TMEM225B: variants seen among roughly 807,000 people sequenced by gnomAD.
TMEM225B encodes the protein transmembrane protein 225B.
Under a neutral mutation model 16.9 loss-of-function variants are expected in TMEM225B, and 10 were observed. The observed-to-expected ratio is 0.59, with a 90% confidence interval of 0.36 to 1.00. TMEM225B has a LOEUF of 1.00. TMEM225B is among the 50% of genes least tolerant of loss of function. The probability of loss-of-function intolerance (pLI) is 0.01; values close to 1 mark genes in which losing one functional copy is unlikely to be tolerated. For missense variants in TMEM225B, 217 were observed against 267.0 expected (o/e 0.81, Z 1.30); for synonymous variants, 92 against 109.8 (o/e 0.84, Z 1.01).
At chr7:99,603,167 G>C (rs1180032137) in intron 2 of TMEM225B, among the ~76,000 whole-genome samples, 2 of 152,210 alleles carry the variant, frequency 1.3e-5, no homozygotes, top group Non-Finnish European at 2.9e-5. Context: ...CTTCCTGTTT[G>C]TACATGACCT....
chr7:99,610,472 CG>C lies in TMEM225B; in HGVS notation c.576del (p.Ser193AlafsTer23). On this transcript the variant is annotated frameshift_variant, in exon 6 of 6. Coordinates refer to ENST00000431679, the MANE Select transcript of TMEM225B (RefSeq NM_001195541.3). LOFTEE classifies it high-confidence loss of function. Reference protein sequence around the residue: ...STSQSMEEDHGSLYLDNLESL... With the variant: ...STSQSMEEDHXSLYLDNLESL... The stretch of plus-strand genomic sequence containing the variant: ...CTTCCCAGAGTATGGAGGAGGACCA[CG>C]GGAGCCTGTACCTGGACAATCTGGA... 1.3e-6 allele frequency: 2 copies of C among 1,536,070 alleles called. No individual in the cohort carries two copies. The highest frequency in any genetic ancestry group is 8.7e-7 in the Non-Finnish European group (1 of 1,146,876).
chr7:99,601,042 A>T (rs150547369), intron 2 of TMEM225B, among the ~76,000 whole-genome samples: 3 of 152,322 alleles, frequency 2.0e-5, no homozygotes, highest in Non-Finnish European at 4.4e-5. Flanking sequence ...TTCTAGTCAC[A>T]TACAGGTGGA....
intron 2 of TMEM225B, among the ~76,000 whole-genome samples, chr7:99,603,850 C>T (rs1805565841): frequency 6.6e-6 from 1 of 151,776 alleles, no homozygotes; most frequent in Non-Finnish European, 1.5e-5. Context: ...CAGCCTTGAC[C>T]TTCCTGGGCT....
chr7:99,600,235 T>C lies in TMEM225B; in HGVS notation c.-54T>C. ...CCAAGAGCCTCTGAGTTCCTGCCTT[T>C]TTTCATCTCTGAATCCCCACCATTG... On this transcript the variant is annotated 5_prime_UTR_variant, in exon 2 of 6. Coordinates refer to ENST00000431679, the MANE Select transcript of TMEM225B (RefSeq NM_001195541.3). 1.4e-6 allele frequency: 1 copy of C among 702,974 alleles called. No individual in the cohort carries two copies. The highest frequency in any genetic ancestry group is 2.6e-6 in the Non-Finnish European group (1 of 384,982). 43.5% of individuals were successfully genotyped at this position (702,974 alleles called of 1,614,324 possible).
chr7:99,600,368 G>A, intron 2 of TMEM225B, 83 bp downstream of exon 2: 2 of 692,800 alleles, frequency 2.9e-6, no homozygotes, highest in Non-Finnish European at 5.3e-6. Flanking sequence ...CTTTTCAGGG[G>A]AGTGGGGTTT....
chr7:99,608,814 C>A (rs1029557192), intron 5 of TMEM225B, among the ~76,000 whole-genome samples: 2 of 143,250 alleles, frequency 1.4e-5, no homozygotes, highest in South Asian at 4.3e-4. Context: ...TGTATATAGA[C>A]ATACATATAT....
At position 99,598,372 on chromosome 7, in the gene TMEM225B, G is replaced by C. The variant is rs982983832; in HGVS notation, c.-94G>C. On this transcript the variant is annotated 5_prime_UTR_variant, in exon 1 of 6. Transcript: ENST00000431679. ...TCTGGGACGCGAAACCGCCTACGAC[G>C]GTGCCGCAGGTGGAGGGAAGGGTAG... 2.6e-5 allele frequency: 4 copies of C among 152,494 alleles called. No homozygotes were observed. The highest frequency in any genetic ancestry group is 6.5e-5 in the Admixed American group (1 of 15,288). The allele number at this position is 152,494 out of a possible 1,614,324, so 9.4% of individuals were successfully genotyped here.
At position 99,610,561 on chromosome 7, in the gene TMEM225B, T is replaced by C. The variant is rs1226902484; in HGVS notation, c.662T>C (p.Ile221Thr). ...ACACAGGTGACAGCAGAAACAGTCA[T>C]CTAGCCCAGGACATGGCTTCTTTAC... ...KETQVTAETV[I>T] is the part of the protein sequence containing the mutation. Residue 221 changes from isoleucine (I) to threonine (T), a missense_variant, in exon 6 of 6, where the codon ATC becomes ACC. Ile to Thr is a moderately conservative substitution (Grantham distance 89). Transcript: ENST00000431679. The C allele has an allele frequency of 1.3e-6, 2 of 1,536,034 alleles. No homozygotes were observed. The highest frequency in any genetic ancestry group is 2.0e-5 in the Admixed American group (1 of 51,006).
rs573849250 is a variant in TMEM225B at position 99,603,204 on chromosome 7, T to A, written c.-3-1182T>A. On this transcript the variant is annotated intron_variant, in intron 2 of 5. Transcript: ENST00000431679. ...CTCATTTCTCAGCAGGGGCTCCTCCTGTGCACATGGACCTCTCCCCACCTA... is the reference window on the plus strand; with the variant it reads ...CTCATTTCTCAGCAGGGGCTCCTCCAGTGCACATGGACCTCTCCCCACCTA... 3.9e-5 allele frequency among the ~76,000 whole-genome samples: 6 copies of A among 152,314 alleles called. No individual in the cohort carries two copies. The South Asian group carries it at 1.2e-3, about 32-fold the overall frequency.
intron 2 of TMEM225B, 114 bp downstream of exon 2, chr7:99,600,399 C>A: frequency 1.5e-6 from 1 of 667,360 alleles, no homozygotes; most frequent in Non-Finnish European, 2.7e-6. Context: ...GGGAGCAGAA[C>A]AGGCACCCCC....
At chr7:99,607,942 T>A in intron 5 of TMEM225B, 132 bp downstream of exon 5, 1 of 986,558 alleles carries the variant, frequency 1.0e-6, no homozygotes, top group Non-Finnish European at 1.4e-6. Flanking sequence ...TAGACGTGGC[T>A]ATTTAACTTT....
At chr7:99,604,010 C>T (rs1051367456) in intron 2 of TMEM225B, among the ~76,000 whole-genome samples, 11 of 152,114 alleles carry the variant, frequency 7.2e-5, no homozygotes, top group Non-Finnish European at 1.3e-4. Context: ...CTGTCTCAGC[C>T]TCCTAAAGTA....
chr7:99,600,067 A>G lies in TMEM225B; in HGVS notation c.-84-138A>G, dbSNP rs971639996. On this transcript the variant is annotated intron_variant, in intron 1 of 5. Transcript: ENST00000431679. ...GGGAAAGGAGGACAAGGTCCTCATC[A>G]CTGGAGAGTGGAGGGGGCAGTGGGA... 3 of 634,784 alleles carry G rather than the reference A, an allele frequency of 4.7e-6. No homozygotes were observed. The African/African-American group carries it at 5.4e-5, about 11-fold the overall frequency. 39.3% of individuals were successfully genotyped at this position (634,784 alleles called of 1,614,324 possible).
At chr7:99,602,227 C>T (rs771825292) in intron 2 of TMEM225B, among the ~76,000 whole-genome samples, 9 of 152,240 alleles carry the variant, frequency 5.9e-5, no homozygotes, top group Non-Finnish European at 8.8e-5. Flanking sequence ...CTCCAATCAC[C>T]GTCCCTGCTT....
intron 5 of TMEM225B, among the ~76,000 whole-genome samples, chr7:99,610,122 C>T (rs562819919): frequency 1.3e-5 from 2 of 152,224 alleles, no homozygotes; most frequent in Admixed American, 6.5e-5. Context: ...GTTGGAACTT[C>T]CTTTCTCTAA....
At chr7:99,609,015 A>C (rs1468255745) in intron 5 of TMEM225B, among the ~76,000 whole-genome samples, 1 of 151,628 alleles carries the variant, frequency 6.6e-6, no homozygotes, top group Non-Finnish European at 1.5e-5. Context: ...AAAAATACAA[A>C]AATTAGCTGG....
chr7:99,610,163 G>A (rs946702148), intron 5 of TMEM225B, among the ~76,000 whole-genome samples: 1 of 152,080 alleles, frequency 6.6e-6, no homozygotes, highest in Non-Finnish European at 1.5e-5. Context: ...CCATTAATGG[G>A]CTACATGATT....
intron 1 of TMEM225B, among the ~76,000 whole-genome samples, chr7:99,599,185 T>C (rs1484036759): frequency 6.7e-6 from 1 of 148,376 alleles, no homozygotes; most frequent in Non-Finnish European, 1.5e-5. Context: ...CCGTGTTAGC[T>C]AGGATGGTCT....
rs1393069999 is a variant in TMEM225B, at chr7:99,607,700, T to C, written c.383T>C (p.Leu128Pro). The C allele has an allele frequency of 6.5e-7, 1 of 1,536,064 alleles. No individual in the cohort carries two copies. The highest frequency in any genetic ancestry group is 1.2e-5 in the South Asian group (1 of 84,062). ...GCCTGTGCCTTCCTGGCTTTGGTGC[T>C]GCATGCCCTGGAGATCAAGGCTCTG... ...TGACAFLALV[L>P]HALEIKALRM... The change falls in exon 5 of 6, where the codon CTG (leucine) becomes CCG (proline). Residue 128 changes from leucine to proline, a missense_variant. Coordinates refer to ENST00000431679, the MANE Select transcript of TMEM225B (RefSeq NM_001195541.3).
Sources: allele counts gnomAD v4.1 joint callset (sites outside exome capture counted in the v4.1 genomes callset), GRCh38; gene constraint gnomAD v4.1.1; transcripts MANE v1.5; gene names NCBI Gene and HGNC (gene_info 2026-07-23, HGNC 2026-07-21).